Variants in OXR1 observed in about 807,000 individuals in gnomAD.
The protein encoded by OXR1 is oxidation resistance protein 1.
OXR1 carries 41 observed loss-of-function variants against 104.6 expected under a neutral mutation model. The ratio of observed to expected loss-of-function variants is 0.39; its 90% CI spans 0.31 to 0.51. OXR1 has a LOEUF of 0.51. Ranked by LOEUF, OXR1 falls within the 20% of genes least tolerant of loss-of-function variation. OXR1 has a pLI of 0.77. For missense variants in OXR1, 955 were observed against 1,031.9 expected, an observed-to-expected ratio of 0.93 and a Z score of 1.02; for synonymous variants, 348 against 348.4, an observed-to-expected ratio of 1.00 and a Z score of 0.01.
In OXR1 at chr8:106,692,811, TGAG is replaced by T. The variant is rs1191531204; in HGVS notation, c.618_620del (p.Glu207del). ...CTGCACGAGTTGTATCTTCAACTTC[TGAG>T]GAGGAGGAAGCATTTACTGAGAAAT... On this transcript the variant is annotated inframe_deletion, in exon 7 of 17. Transcript: ENST00000517566. 1.9e-6 allele frequency: 3 copies of T among 1,606,332 alleles called. No individual in the cohort carries two copies. The African/African-American group carries it at 4.0e-5, about 22-fold the overall frequency.
intron 11 of OXR1, among the ~76,000 whole-genome samples, chr8:106,737,182 CA>C (rs1834459174): frequency 6.6e-6 from 1 of 152,104 alleles, no homozygotes; most frequent in East Asian, 1.9e-4. Context: ...GTTTAGTTTT[CA>C]GACGTTATCT....
chr8:106,617,927 C>A, intron 3 of OXR1: 1 of 740,932 alleles, frequency 1.3e-6, no homozygotes, highest in Non-Finnish European at 1.6e-6. Flanking sequence ...GTTCAGTGAG[C>A]CAAGAGCAAG....
At chr8:106,304,700 TA>T (rs1813403799) in intron 1 of OXR1, among the ~76,000 whole-genome samples, 1 of 152,186 alleles carries the variant, frequency 6.6e-6, no homozygotes, top group Admixed American at 6.5e-5. Flanking sequence ...GTATATATTT[TA>T]AATTTACAGC....
intron 2 of OXR1, among the ~76,000 whole-genome samples, chr8:106,446,628 A>AT (rs1023953245): frequency 6.6e-6 from 1 of 151,840 alleles, no homozygotes; most frequent in Non-Finnish European, 1.5e-5. Context: ...AAAAAAAAAA[A>AT]AACTAAAAAA....
At chr8:106,292,320 T>A (rs1812787714) in intron 1 of OXR1, among the ~76,000 whole-genome samples, 1 of 152,112 alleles carries the variant, frequency 6.6e-6, no homozygotes, top group South Asian at 2.1e-4. Context: ...GGGAAACTAA[T>A]CACATGCTGA....
At chr8:106,558,212 G>T (rs1816425970) in intron 3 of OXR1, among the ~76,000 whole-genome samples, 1 of 152,178 alleles carries the variant, frequency 6.6e-6, no homozygotes, top group Non-Finnish European at 1.5e-5. Flanking sequence ...CTTCCCTCTT[G>T]AAGAGGCTAC....
At chr8:106,419,528 C>T (rs1378933076) in intron 2 of OXR1, among the ~76,000 whole-genome samples, 1 of 152,102 alleles carries the variant, frequency 6.6e-6, no homozygotes, top group Non-Finnish European at 1.5e-5. Flanking sequence ...GTGGAATTGC[C>T]AAAGAGCCTG....
chr8:106,416,290 C>T (rs1818675833), intron 2 of OXR1, among the ~76,000 whole-genome samples: 1 of 152,008 alleles, frequency 6.6e-6, no homozygotes, highest in East Asian at 1.9e-4. Flanking sequence ...AGTAATAAAT[C>T]TGGTTTAACA....
intron 2 of OXR1, among the ~76,000 whole-genome samples, chr8:106,464,772 A>G (rs1395905811): frequency 1.3e-5 from 2 of 152,036 alleles, no homozygotes; most frequent in Admixed American, 6.6e-5. Context: ...TTTGATGAGT[A>G]TTTATTGAGC....
chr8:106,733,064 C>A (rs889639319), intron 11 of OXR1, among the ~76,000 whole-genome samples: 1 of 151,990 alleles, frequency 6.6e-6, no homozygotes, highest in Admixed American at 6.6e-5. Flanking sequence ...ACATATCTTT[C>A]TTTCTTTTTT....
Position 106,319,591 on chromosome 8 carries a change from A to G in OXR1, c.-138-39885A>G, listed in dbSNP as rs115667965. On this transcript the variant is annotated intron_variant, in intron 1 of 16. Transcript: ENST00000517566. ...GTTGTGAAATATGACAGTTTGCAGA[A>G]GCCTGTTCTTCTTCCACTTACCCTT... is the stretch of plus-strand genomic sequence containing the variant. Among the ~76,000 whole-genome samples the G allele has an allele frequency of 8.3e-3, 1,270 of 152,326 alleles. 26 individuals carry two copies. The highest frequency in any genetic ancestry group is 0.029 in the African/African-American group (1,205 of 41,574).
chr8:106,558,251 C>T (rs1050913032), intron 3 of OXR1, among the ~76,000 whole-genome samples: 24 of 152,264 alleles, frequency 1.6e-4, no homozygotes, highest in African/African-American at 4.8e-4. Context: ...ATAGCCTTTT[C>T]GTATTGCTAT....
At chr8:106,583,749 T>C (rs1440608857) in intron 3 of OXR1, among the ~76,000 whole-genome samples, 6 of 152,090 alleles carry the variant, frequency 3.9e-5, no homozygotes, top group Non-Finnish European at 4.4e-5. Flanking sequence ...TTTTAAAAAG[T>C]AGGAGTAAAG....
At position 106,702,998 on chromosome 8, in the gene OXR1, G is replaced by A; in HGVS notation, c.768G>A (p.Glu256=). The A allele has an allele frequency of 6.2e-7, 1 of 1,613,584 alleles. No individual in the cohort carries two copies. The highest frequency in any genetic ancestry group is 8.5e-7 in the Non-Finnish European group (1 of 1,179,620). The change falls in exon 8 of 17, where the codon GAG becomes GAA. Residue 256 remains glutamate, a synonymous_variant. Transcript: ENST00000517566. The stretch of plus-strand genomic sequence containing the variant: ...CTTTGGTTCAAGAGAATGGCTGTGA[G>A]GAATATGGCATCATGTGTCCAATGG... ...NDPLVQENGC[E]EYGIMCPMEE... is the part of the protein sequence containing the mutation.
intron 6 of OXR1, among the ~76,000 whole-genome samples, chr8:106,692,434 G>A (rs1829400545): frequency 6.6e-6 from 1 of 151,998 alleles, no homozygotes; most frequent in Non-Finnish European, 1.5e-5. Flanking sequence ...GAGATGTAGT[G>A]TTCACTGTTC....
intron 2 of OXR1, among the ~76,000 whole-genome samples, chr8:106,400,773 A>G (rs1319166252): frequency 6.6e-6 from 1 of 152,228 alleles, no homozygotes; most frequent in Non-Finnish European, 1.5e-5. Context: ...GAGACAGAGT[A>G]TCTAATTGCA....
rs183239793 is a variant in OXR1 at position 106,590,039 on chromosome 8, T to C, written c.220+70900T>C. ...AGCAGGAAATAATCTTCTCTGAAGA[T>C]ACTTGATAAAAATTCCCAAAACGAC... On this transcript the variant is annotated intron_variant, in intron 3 of 16. Coordinates refer to ENST00000517566, the MANE Select transcript of OXR1 (RefSeq NM_001198533.2). Among the ~76,000 whole-genome samples, 39 of 152,286 alleles carry C rather than the reference T, an allele frequency of 2.6e-4. No individual in the cohort carries two copies. In the East Asian group the frequency reaches 7.5e-3, roughly 29 times the overall value.
chr8:106,537,880 G>A (rs1408231071), intron 3 of OXR1, among the ~76,000 whole-genome samples: 1 of 151,944 alleles, frequency 6.6e-6, no homozygotes, highest in Non-Finnish European at 1.5e-5. Flanking sequence ...AGGAAGGAGA[G>A]AGGAAAAAGA....
At chr8:106,347,142 C>T (rs1428293660) in intron 1 of OXR1, among the ~76,000 whole-genome samples, 1 of 152,252 alleles carries the variant, frequency 6.6e-6, no homozygotes, top group Non-Finnish European at 1.5e-5. Context: ...AGAGAATAGG[C>T]AATTCTTCTC....
Sources: allele counts gnomAD v4.1 joint callset (sites outside exome capture counted in the v4.1 genomes callset), GRCh38; gene constraint gnomAD v4.1.1; transcripts MANE v1.5; gene names NCBI Gene and HGNC (gene_info 2026-07-23, HGNC 2026-07-21).